The following NFASC variants were observed in gnomAD, a reference collection of about 807,000 sequenced individuals.
The protein encoded by NFASC is neurofascin, also known as neurofascin homolog.
Under a neutral mutation model 147.5 loss-of-function variants are expected in NFASC, and 43 were observed. The observed-to-expected ratio is 0.29, with a 90% CI of 0.23 to 0.38. NFASC has a LOEUF of 0.38. Ranked by LOEUF, NFASC falls within the 10% of genes least tolerant of loss-of-function variation. The probability of loss-of-function intolerance (pLI) is 1.00; values close to 1 mark genes in which losing one functional copy is unlikely to be tolerated. For missense variants in NFASC, 1,320 were observed against 1,689.0 expected, an observed-to-expected ratio of 0.78 and a Z score of 3.83; for synonymous variants, 622 against 665.5, an observed-to-expected ratio of 0.93 and a Z score of 1.01.
Position 204,979,532 on chromosome 1 carries a change from T to G in NFASC, c.2149T>G (p.Ser717Ala). The change falls in exon 19 of 30, where the codon TCC (serine) becomes GCC (alanine). Residue 717 changes from serine to alanine, a missense_variant. By Grantham distance (99) the Ser-to-Ala change is moderately conservative (BLOSUM62 1). Coordinates refer to ENST00000339876, the MANE Select transcript of NFASC (RefSeq NM_001005388.3). The surrounding 1 kb of genome is among the most constrained non-coding windows in gnomAD (Gnocchi z 6.0). ...EVGSSHPSLP[S>A]ERYRTSGAPP... ...TGGGAGCAGCCACCCCAGCCTCCCA[T>G]CCGAGCGCTACCGAACCAGTGGAGC... 6.2e-7 allele frequency: 1 copy of G among 1,613,724 alleles called. No homozygotes were observed. Among genetic ancestry groups the G allele is most frequent in the Non-Finnish European group, 8.5e-7 (1 of 1,180,022 alleles).
chr1:205,005,144 G>A (rs918919075), intron 27 of NFASC, among the ~76,000 whole-genome samples: 2 of 152,248 alleles, frequency 1.3e-5, no homozygotes. Context: ...TCTTTGGTGG[G>A]CCAGGATGGG....
In NFASC at chr1:204,828,688, G is replaced by T; in HGVS notation, c.-294G>T. 1 of 985,368 alleles carries T rather than the reference G, an allele frequency of 1.0e-6. No individual in the cohort carries two copies. The highest frequency in any genetic ancestry group is 4.7e-5 in the South Asian group (1 of 21,276). 61.0% of individuals were successfully genotyped at this position (985,368 alleles called of 1,614,324 possible). On this transcript the variant is annotated 5_prime_UTR_variant, in exon 1 of 30. Coordinates refer to ENST00000339876, the MANE Select transcript of NFASC (RefSeq NM_001005388.3). The stretch of plus-strand genomic sequence containing the variant: ...GGTCTCTGCCCTAATGCGGCGGCTG[G>T]CGGCGAGAGGCGCTGCAGGGGACGC...
chr1:204,934,307 C>G (rs1386892022), intron 2 of NFASC, among the ~76,000 whole-genome samples: 2 of 152,066 alleles, frequency 1.3e-5, no homozygotes, highest in Non-Finnish European at 2.9e-5. Context: ...GGAGGAAGGA[C>G]ACTTTTTATA....
intron 1 of NFASC, among the ~76,000 whole-genome samples, chr1:204,910,981 T>C (rs2087310020): frequency 6.6e-6 from 1 of 152,200 alleles, no homozygotes; most frequent in African/African-American, 2.4e-5. Context: ...GTTGAATAAG[T>C]ATAGTGAAAG....
intron 1 of NFASC, among the ~76,000 whole-genome samples, chr1:204,860,172 A>G (rs2076537448): frequency 6.6e-6 from 1 of 152,186 alleles, no homozygotes; most frequent in African/African-American, 2.4e-5. Flanking sequence ...TGATGTTGTA[A>G]TCAAATGGCC....
intron 1 of NFASC, among the ~76,000 whole-genome samples, chr1:204,863,710 G>A (rs1016093234): frequency 1.3e-5 from 2 of 152,030 alleles, no homozygotes; most frequent in Non-Finnish European, 2.9e-5. Flanking sequence ...TTAGTCAGGC[G>A]TGGTGGCGGG....
chr1:204,946,633 C>G (rs1478539566), intron 3 of NFASC: 1 of 502,908 alleles, frequency 2.0e-6, no homozygotes, highest in Admixed American at 2.0e-5. Context: ...ATGGCCGAGG[C>G]CATCTCCTGG....
At chr1:204,932,810 C>T (rs2092482542) in intron 2 of NFASC, among the ~76,000 whole-genome samples, 1 of 152,150 alleles carries the variant, frequency 6.6e-6, no homozygotes, top group Non-Finnish European at 1.5e-5. Flanking sequence ...CGCAGTGTGC[C>T]ACATGCCCCA....
At chr1:204,920,582 T>G in intron 1 of NFASC, 50 bp from the exon 2 acceptor site, 1 of 948,310 alleles carries the variant, frequency 1.1e-6, no homozygotes, top group Non-Finnish European at 1.4e-6. Flanking sequence ...TTTTTTTTCT[T>G]CCTTTCTTAG....
chr1:204,930,528 T>C (rs1199682406), intron 2 of NFASC, among the ~76,000 whole-genome samples: 2 of 152,300 alleles, frequency 1.3e-5, no homozygotes, highest in African/African-American at 2.4e-5. Flanking sequence ...TTTATTGTAC[T>C]GTCTCAGGAG....
chr1:204,841,150 C>T (rs1675228699), intron 1 of NFASC, among the ~76,000 whole-genome samples: 1 of 152,202 alleles, frequency 6.6e-6, no homozygotes, highest in African/African-American at 2.4e-5. Context: ...TGACTGGACA[C>T]CTACTCTGTA....
chr1:204,924,951 C>G (rs1327404895), intron 2 of NFASC, among the ~76,000 whole-genome samples: 1 of 152,028 alleles, frequency 6.6e-6, no homozygotes, highest in Non-Finnish European at 1.5e-5. Flanking sequence ...TCTGGGCTCA[C>G]TGCAATCTTC....
chr1:205,000,191 C>T (rs1389330993), intron 25 of NFASC: 1 of 152,210 alleles, frequency 6.6e-6, no homozygotes, highest in African/African-American at 2.4e-5. Context: ...CTTCTGGTGT[C>T]TGGACCACTG....
In NFASC at chr1:204,975,430, C is replaced by G; in HGVS notation, c.1706+12C>G. The G allele has an allele frequency of 6.2e-7, 1 of 1,602,722 alleles. No homozygotes were observed. Among genetic ancestry groups the G allele is most frequent in the Non-Finnish European group, 8.5e-7 (1 of 1,170,840 alleles). On this transcript the variant is annotated intron_variant, in intron 15 of 29. Transcript: ENST00000339876. This position sits in a 1 kb window ranked among gnomAD's most constrained non-coding sequence, Gnocchi z 4.0. ...TATATTGGAAACAGGTTTCTCTTCCCCCTTCCCCCTTCCTAGTGCTAGTTT... is the reference window on the plus strand; with the variant it reads ...TATATTGGAAACAGGTTTCTCTTCCGCCTTCCCCCTTCCTAGTGCTAGTTT...
intron 21 of NFASC, chr1:204,984,201 T>A (rs1161513592): frequency 8.9e-7 from 1 of 1,129,158 alleles, no homozygotes; most frequent in Non-Finnish European, 1.4e-6. Context: ...GGGCCAGGGG[T>A]AGCAAATGCG....
chr1:204,881,338 G>T (rs2080182649), intron 1 of NFASC, among the ~76,000 whole-genome samples: 1 of 152,202 alleles, frequency 6.6e-6, no homozygotes, highest in Non-Finnish European at 1.5e-5. Context: ...GGTTGGGGAG[G>T]CCTCTCTATT....
chr1:205,022,809 T>C lies in NFASC; in HGVS notation c.*6270T>C, dbSNP rs1558519226. 6.6e-6 allele frequency: 1 copy of C among 152,604 alleles called. No homozygotes were observed. Among genetic ancestry groups the C allele is most frequent in the South Asian group, 2.1e-4 (1 of 4,832 alleles). 9.5% of individuals were successfully genotyped at this position (152,604 alleles called of 1,614,324 possible). On this transcript the variant is annotated 3_prime_UTR_variant, in exon 30 of 30. Coordinates refer to ENST00000339876, the MANE Select transcript of NFASC (RefSeq NM_001005388.3). ...GAGAACACTAAACGTATAATAAAAG[T>C]TGTTCAAAATGGACTCTTGCCATGT...
Position 204,988,705 on chromosome 1 carries a change from G to C in NFASC, c.2666G>C (p.Arg889Thr). The change falls in exon 23 of 30, where the codon AGA (arginine) becomes ACA (threonine). Residue 889 changes from arginine to threonine, a missense_variant. Physicochemically the swap from Arg to Thr is moderately conservative, Grantham distance 71. Around this residue, in one of 3 missense-constraint regions of NFASC, gnomAD observed 981 missense variants for 1,289.5 expected, o/e 0.76. Coordinates refer to ENST00000339876, the MANE Select transcript of NFASC (RefSeq NM_001005388.3). ...AATCAGACCAAGTTCACGGTGCAAA[G>C]AACGGACCCCGTGTCACGCTACCGC... ...SPNQTKFTVQ[R>T]TDPVSRYRFT... 1.9e-6 allele frequency: 3 copies of C among 1,614,230 alleles called. No individual in the cohort carries two copies. Among genetic ancestry groups the C allele is most frequent in the South Asian group, 2.2e-5 (2 of 91,090 alleles).
At chr1:204,896,616 T>C (rs1287458103) in intron 1 of NFASC, among the ~76,000 whole-genome samples, 2 of 152,198 alleles carry the variant, frequency 1.3e-5, no homozygotes, top group African/African-American at 4.8e-5. Context: ...TCTCATTCAT[T>C]TGTTCGTTTA....
Sources: gnomAD v4.1 joint callset for allele counts (sites outside exome capture counted in the v4.1 genomes callset) on GRCh38, gnomAD v4.1.1 for gene constraint, gnomAD v4.1.1 regional missense constraint, Gnocchi (gnomAD v3.1) non-coding constraint, MANE v1.5 for transcripts, NCBI Gene and HGNC (gene_info 2026-07-23, HGNC 2026-07-21) for gene names.